The following TNKS variants were observed in gnomAD, a reference collection of about 807,000 sequenced individuals.
TNKS encodes tankyrase.
A neutral mutation model predicts 135.8 loss-of-function variants in TNKS; 72 were observed. That is an observed-to-expected ratio of 0.53 (90% CI 0.44 to 0.64). The LOEUF (loss-of-function observed/expected upper bound fraction) is 0.64. TNKS is among the 30% of genes least tolerant of loss of function. TNKS has a pLI of 0.00. For synonymous variants in TNKS, 849 were observed against 649.3 expected (o/e 1.31, Z -4.68); for missense variants, 1,769 against 1,674.0 (o/e 1.06, Z -0.99).
intron 5 of TNKS, among the ~76,000 whole-genome samples, chr8:9,689,334 A>G (rs1803154527): frequency 6.6e-6 from 1 of 152,218 alleles, no homozygotes; most frequent in South Asian, 2.1e-4. Flanking sequence ...ACTAATTTAA[A>G]GAAATGTTTT....
intron 11 of TNKS, among the ~76,000 whole-genome samples, chr8:9,713,930 C>G (rs1804459306): frequency 1.3e-5 from 2 of 152,114 alleles, no homozygotes; most frequent in South Asian, 4.1e-4. Flanking sequence ...TGATTCTGAA[C>G]ACACTTTCTG....
chr8:9,759,708 C>G (rs1807040710), intron 20 of TNKS, among the ~76,000 whole-genome samples: 2 of 152,162 alleles, frequency 1.3e-5, no homozygotes, highest in African/African-American at 4.8e-5. Context: ...GGCGCGGTGG[C>G]TCACGCCTGT....
intron 13 of TNKS, among the ~76,000 whole-genome samples, chr8:9,729,277 G>A (rs1370898834): frequency 2.6e-5 from 4 of 152,142 alleles, no homozygotes; most frequent in Non-Finnish European, 5.9e-5. Flanking sequence ...ATGAATTCCA[G>A]AAGGACACAA....
Position 9,577,923 on chromosome 8 carries a change from C to T in TNKS, c.674-2236C>T, listed in dbSNP as rs564311421. Among the ~76,000 whole-genome samples, 5 of 152,338 alleles carry T rather than the reference C, an allele frequency of 3.3e-5. No individual in the cohort carries two copies. The East Asian group carries it at 9.6e-4, about 29-fold the overall frequency. On this transcript the variant is annotated intron_variant, in intron 1 of 26. Coordinates refer to ENST00000310430, the MANE Select transcript of TNKS (RefSeq NM_003747.3). ...TTAGTTACAAGATACAGTGGGCGTA[C>T]AGGCATTGGCTAAATACTCACATTC...
intron 1 of TNKS, among the ~76,000 whole-genome samples, chr8:9,569,219 C>T (rs1025304740): frequency 4.6e-5 from 7 of 152,200 alleles, no homozygotes; most frequent in Non-Finnish European, 7.3e-5. Flanking sequence ...TTCCTGTCAT[C>T]ACTCCCTGGA....
intron 3 of TNKS, among the ~76,000 whole-genome samples, chr8:9,649,643 G>C: frequency 6.7e-6 from 1 of 149,524 alleles, no homozygotes; most frequent in Non-Finnish European, 1.5e-5. Context: ...TTCCCCCCAA[G>C]TCCCCAAAGT....
intron 11 of TNKS, 94 bp downstream of exon 11, chr8:9,710,314 C>G (rs749475309): frequency 5.1e-6 from 6 of 1,188,026 alleles, no homozygotes; most frequent in Non-Finnish European, 5.0e-6. Flanking sequence ...TCTGAAGAAA[C>G]TAATTTTATA....
At chr8:9,567,501 T>C (rs12541409) in intron 1 of TNKS, among the ~76,000 whole-genome samples, 37,727 of 152,006 alleles carry the variant, frequency 0.25, 4,872 homozygotes, top group East Asian at 0.4. Flanking sequence ...CTGCAAGCTC[T>C]GCCTCCCGGG....
At chr8:9,677,075 T>C (rs1219920494) in intron 3 of TNKS, among the ~76,000 whole-genome samples, 2 of 152,184 alleles carry the variant, frequency 1.3e-5, no homozygotes, top group Non-Finnish European at 2.9e-5. Flanking sequence ...TATCAGAGTG[T>C]GAGGGGCTCT....
intron 11 of TNKS, among the ~76,000 whole-genome samples, chr8:9,719,178 G>C (rs1003725389): frequency 3.3e-5 from 5 of 152,194 alleles, no homozygotes; most frequent in African/African-American, 1.2e-4. Context: ...TTTCATGGGA[G>C]TTTTGTGAAA....
At chr8:9,576,691 C>T (rs1797961998) in intron 1 of TNKS, among the ~76,000 whole-genome samples, 1 of 152,018 alleles carries the variant, frequency 6.6e-6, no homozygotes, top group Admixed American at 6.5e-5. Flanking sequence ...GCCCCTCCTT[C>T]AACACATGGG....
chr8:9,568,255 C>G (rs1213040737), intron 1 of TNKS, among the ~76,000 whole-genome samples: 1 of 152,138 alleles, frequency 6.6e-6, no homozygotes, highest in Non-Finnish European at 1.5e-5. Flanking sequence ...TGGTTTGTTT[C>G]TCAGGGATCT....
At position 9,712,903 on chromosome 8, in the gene TNKS, C is replaced by G. The variant is rs529958502; in HGVS notation, c.1749+2683C>G. 2.0e-5 allele frequency among the ~76,000 whole-genome samples: 3 copies of G among 152,234 alleles called. No homozygotes were observed. The East Asian group carries it at 5.8e-4, about 29-fold the overall frequency. On this transcript the variant is annotated intron_variant, in intron 11 of 26. Coordinates refer to ENST00000310430, the MANE Select transcript of TNKS (RefSeq NM_003747.3). Reference sequence around the variant, plus strand: ...GTACTCTATCTCAGAAAATAATAATCATGAAATCTTTTTAAATTTTTAATT... The same window carrying G: ...GTACTCTATCTCAGAAAATAATAATGATGAAATCTTTTTAAATTTTTAATT...
At chr8:9,587,336 G>A (rs1012287051) in intron 2 of TNKS, among the ~76,000 whole-genome samples, 8 of 151,906 alleles carry the variant, frequency 5.3e-5, no homozygotes, top group Non-Finnish European at 1.5e-5. Context: ...AGATGGAAAA[G>A]GCAAGGAAGT....
Position 9,735,109 on chromosome 8 carries a change from C to T in TNKS, c.2533+25C>T, listed in dbSNP as rs573738959. Reference sequence around the variant, plus strand: ...GGTAAGCGCCCCCAGTGCCTCCAAGCCTCCTTTTCCTTTCTCGGACACCTA... The same window carrying T: ...GGTAAGCGCCCCCAGTGCCTCCAAGTCTCCTTTTCCTTTCTCGGACACCTA... On this transcript the variant is annotated intron_variant, in intron 16 of 26. Transcript: ENST00000310430. 3 of 1,598,706 alleles carry T rather than the reference C, an allele frequency of 1.9e-6. No individual in the cohort carries two copies. The Admixed American group carries it at 5.3e-5, about 28-fold the overall frequency.
At chr8:9,776,085 A>T (rs915078754) in intron 26 of TNKS, among the ~76,000 whole-genome samples, 5 of 151,980 alleles carry the variant, frequency 3.3e-5, no homozygotes, top group African/African-American at 1.2e-4. Flanking sequence ...AATATGAAGG[A>T]GGCCAGTCTA....
chr8:9,590,320 T>C (rs1250291265), intron 2 of TNKS, among the ~76,000 whole-genome samples: 1 of 152,170 alleles, frequency 6.6e-6, no homozygotes, highest in African/African-American at 2.4e-5. Flanking sequence ...CGGTACTCTT[T>C]CCCCAGATTT....
intron 23 of TNKS, 99 bp downstream of exon 23, chr8:9,764,889 CTG>C: frequency 1.1e-6 from 1 of 915,024 alleles, no homozygotes; most frequent in Non-Finnish European, 1.6e-6. Context: ...TATTTTCAAA[CTG>C]TGAAAGATAA....
chr8:9,573,493 T>C (rs1797836074), intron 1 of TNKS, among the ~76,000 whole-genome samples: 1 of 152,214 alleles, frequency 6.6e-6, no homozygotes, highest in South Asian at 2.1e-4. Flanking sequence ...TCCAGTTAGA[T>C]GTATGTATGA....
Sources: allele counts gnomAD v4.1 joint callset (sites outside exome capture counted in the v4.1 genomes callset), GRCh38; gene constraint gnomAD v4.1.1; transcripts MANE v1.5; gene names NCBI Gene and HGNC (gene_info 2026-07-23, HGNC 2026-07-21).